The following FGD3 variants were observed in gnomAD, a reference collection of about 807,000 sequenced individuals.
FGD3 encodes FYVE, RhoGEF and PH domain-containing protein 3.
Under a neutral mutation model 71.8 loss-of-function variants are expected in FGD3, and 45 were observed. That is an observed-to-expected ratio of 0.63 (90% CI 0.49 to 0.80). The LOEUF is 0.80. Among genes scored for constraint, FGD3 ranks in the 30% least tolerant of loss-of-function variants. FGD3 has a pLI of 0.00. For missense variants in FGD3, 844 were observed against 951.5 expected, an observed-to-expected ratio of 0.89 and a Z score of 1.49; for synonymous variants, 378 against 392.8, an observed-to-expected ratio of 0.96 and a Z score of 0.44.
intron 1 of FGD3, among the ~76,000 whole-genome samples, chr9:92,966,297 C>G (rs1206270293): frequency 1.3e-5 from 2 of 152,170 alleles, no homozygotes; most frequent in African/African-American, 4.8e-5. Flanking sequence ...TGGGGACAAG[C>G]TGCCTGCTGC....
chr9:92,976,672 C>G lies in FGD3; in HGVS notation c.416C>G (p.Thr139Ser). The change falls in exon 3 of 18, where the codon ACC becomes AGC. Residue 139 changes from threonine (T) to serine (S), a missense_variant. Physicochemically the swap from Thr to Ser is moderately conservative, Grantham distance 58. Transcript: ENST00000375482. ...GGTGAGGAACCTGACTCTGAGAACA[C>G]CCCCCAGAAGGCTGACAAGGATGCC... ...DVGEEPDSEN[T>S]PQKADKDAGL... 6.2e-7 allele frequency: 1 copy of G among 1,606,130 alleles called. No homozygotes were observed. The highest frequency in any genetic ancestry group is 8.5e-7 in the Non-Finnish European group (1 of 1,176,222).
chr9:92,965,123 C>A (rs954322200), intron 1 of FGD3, among the ~76,000 whole-genome samples: 9 of 152,190 alleles, frequency 5.9e-5, no homozygotes, highest in African/African-American at 2.2e-4. Flanking sequence ...CAACCCGATG[C>A]CACCGTGATT....
intron 13 of FGD3, 67 bp from the exon 14 acceptor site, chr9:93,022,260 C>A: frequency 6.7e-7 from 1 of 1,485,306 alleles, no homozygotes; most frequent in South Asian, 1.2e-5. Flanking sequence ...CAGGAACTGT[C>A]CCCCCGCTGC....
rs545224334 is a variant in FGD3 at position 92,958,865 on chromosome 9, G to A, written c.-218+11136G>A. ...CTGGCACCTTCATTGAAAATCAATT[G>A]AACAAATGAATGAAAATCTATTAGT... On this transcript the variant is annotated intron_variant, in intron 1 of 17. Transcript: ENST00000375482. Among the ~76,000 whole-genome samples, 193 of 152,252 alleles carry A rather than the reference G, an allele frequency of 1.3e-3. 1 individual carries two copies. The highest frequency in any genetic ancestry group is 4.4e-3 in the African/African-American group (183 of 41,554).
rs530982746 is a variant in FGD3, at chr9:93,011,266, G to C, written c.1029G>C (p.Arg343=). Residue 343 remains arginine (R), a synonymous_variant, in exon 8 of 18, where the codon CGG becomes CGC. Transcript: ENST00000375482. ...TAANHSNAAI[R]KVEKMHKLLE... ...CCAACCACTCCAATGCTGCCATTCG[G>C]AAAGTGGTGAGTGTGGGGCTCCAGT... 2.5e-6 allele frequency: 4 copies of C among 1,614,060 alleles called. No individual in the cohort carries two copies. The East Asian group carries it at 8.9e-5, about 36-fold the overall frequency.
intron 3 of FGD3, among the ~76,000 whole-genome samples, chr9:92,987,941 A>G (rs151049534): frequency 3.3e-5 from 5 of 152,244 alleles, no homozygotes; most frequent in African/African-American, 9.6e-5. Flanking sequence ...TTTTCTATCT[A>G]TTGGGAGACT....
At chr9:93,012,687 C>CGGGGCG (rs1279341124) in intron 8 of FGD3, among the ~76,000 whole-genome samples, 1 of 59,048 alleles carries the variant, frequency 1.7e-5, no homozygotes, top group African/African-American at 1.1e-4. Context: ...TGGGCGGTGG[C>CGGGGCG]GGGGTGTGGG....
intron 1 of FGD3, among the ~76,000 whole-genome samples, chr9:92,953,463 A>AT (rs980660909): frequency 7.0e-4 from 107 of 152,320 alleles, no homozygotes; most frequent in Admixed American, 2.9e-3. Flanking sequence ...AAAGCATCAC[A>AT]TATTTTTAAA....
chr9:93,035,727 G>A lies in FGD3; in HGVS notation c.*138G>A, dbSNP rs528589829. The A allele has an allele frequency of 2.4e-5, 32 of 1,306,322 alleles. No individual in the cohort carries two copies. The African/African-American group carries it at 4.5e-4, about 18-fold the overall frequency. The allele number at this position is 1,306,322 out of a possible 1,614,324, so 80.9% of individuals were successfully genotyped here. On this transcript the variant is annotated 3_prime_UTR_variant, in exon 18 of 18. Transcript: ENST00000375482. ...CCAGAGCTCAGGACACTTGGCTTTGGGGGGAAGGAAACTGAGGCCCAGAGA... is the reference window on the plus strand; with the variant it reads ...CCAGAGCTCAGGACACTTGGCTTTGAGGGGAAGGAAACTGAGGCCCAGAGA...
intron 14 of FGD3, among the ~76,000 whole-genome samples, chr9:93,028,947 C>T (rs1351192686): frequency 6.7e-6 from 1 of 148,360 alleles, no homozygotes; most frequent in Non-Finnish European, 1.5e-5. Context: ...AGGGTACAGC[C>T]CCTGACCCTG....
chr9:93,026,863 C>T (rs1269418715), intron 14 of FGD3, among the ~76,000 whole-genome samples: 1 of 152,254 alleles, frequency 6.6e-6, no homozygotes, highest in Non-Finnish European at 1.5e-5. Context: ...TGGCCAGGGT[C>T]CCCCTTCCGG....
intron 16 of FGD3, 53 bp from the exon 17 acceptor site, chr9:93,034,488 G>C (rs1026476414): frequency 3.5e-5 from 54 of 1,552,410 alleles, no homozygotes; most frequent in Non-Finnish European, 4.3e-5. Flanking sequence ...CCTCAGAACA[G>C]GGGTGACCAC....
intron 3 of FGD3, among the ~76,000 whole-genome samples, chr9:92,978,218 G>T (rs1385347761): frequency 6.7e-6 from 1 of 149,476 alleles, no homozygotes; most frequent in African/African-American, 2.5e-5. Context: ...GGAGGCGGAG[G>T]TTGCGGTGAG....
At chr9:92,979,855 A>C (rs1282492162) in intron 3 of FGD3, among the ~76,000 whole-genome samples, 1 of 151,540 alleles carries the variant, frequency 6.6e-6, no homozygotes, top group African/African-American at 2.4e-5. Flanking sequence ...CTAGGAATTT[A>C]CCCATTACTG....
chr9:93,024,904 G>A (rs1051269070), intron 14 of FGD3, among the ~76,000 whole-genome samples: 1 of 152,262 alleles, frequency 6.6e-6, no homozygotes, highest in African/African-American at 2.4e-5. Flanking sequence ...GATGGCCTTG[G>A]AGCAGGGCTT....
At chr9:92,965,742 C>T (rs80218609) in intron 1 of FGD3, among the ~76,000 whole-genome samples, 1,604 of 152,328 alleles carry the variant, frequency 0.011, 30 homozygotes, top group African/African-American at 0.037. Flanking sequence ...CTTGAGGACT[C>T]CCAGGTTAGT....
At chr9:92,973,307 G>A (rs1359534897) in intron 1 of FGD3, among the ~76,000 whole-genome samples, 1 of 151,788 alleles carries the variant, frequency 6.6e-6, no homozygotes, top group East Asian at 1.9e-4. Context: ...TAGAGATAGG[G>A]TTTCTCCATG....
intron 8 of FGD3, 25 bp downstream of exon 8, chr9:93,011,297 C>A (rs377512893): frequency 6.2e-7 from 1 of 1,614,002 alleles, no homozygotes; most frequent in Non-Finnish European, 8.5e-7. Context: ...CCAGTGGCGA[C>A]CGGCAGGGTG....
intron 1 of FGD3, among the ~76,000 whole-genome samples, chr9:92,961,937 A>G (rs978031106): frequency 1.3e-5 from 2 of 152,156 alleles, no homozygotes; most frequent in Non-Finnish European, 2.9e-5. Flanking sequence ...CTTGGAAGTC[A>G]CCTTCATCAT....
Sources: allele counts gnomAD v4.1 joint callset (sites outside exome capture counted in the v4.1 genomes callset), GRCh38; gene constraint gnomAD v4.1.1; transcripts MANE v1.5; gene names NCBI Gene and HGNC (gene_info 2026-07-23, HGNC 2026-07-21).